EDRF1: variants seen among roughly 807,000 people sequenced by gnomAD.
EDRF1 encodes the protein erythroid differentiation regulatory factor 1.
EDRF1 carries 69 observed loss-of-function variants against 148.7 expected under a neutral mutation model. The ratio of observed to expected loss-of-function variants is 0.46; its 90% confidence interval spans 0.38 to 0.57. EDRF1 has a LOEUF of 0.57. Ranked by LOEUF, EDRF1 falls within the 20% of genes least tolerant of loss-of-function variation. The pLI, the probability that EDRF1 is intolerant of heterozygous loss-of-function variation, is 0.00. For synonymous variants in EDRF1, 515 were observed against 532.8 expected (o/e 0.97, Z 0.46); for missense variants, 1,118 against 1,478.7 (o/e 0.76, Z 4.00).
At chr10:125,737,148 C>T (rs962386319) in intron 13 of EDRF1, among the ~76,000 whole-genome samples, 2 of 152,164 alleles carry the variant, frequency 1.3e-5, no homozygotes, top group Non-Finnish European at 2.9e-5. Context: ...GCAAAAGTTA[C>T]ATGTATCTGG....
Position 125,747,262 on chromosome 10 carries a change from A to G in EDRF1, c.2815-274A>G, listed in dbSNP as rs1849408056. 4 of 430,746 alleles carry G rather than the reference A, an allele frequency of 9.3e-6. No homozygotes were observed. In the Admixed American group the frequency reaches 1.2e-4, roughly 13 times the overall value. 26.7% of individuals were successfully genotyped at this position (430,746 alleles called of 1,614,324 possible). ...AAACAAAGGAAACAAGTGCATCATC[A>G]TGCTCAGCCTGAGTCAGAAAGCAGC... On this transcript the variant is annotated intron_variant, in intron 19 of 24. Transcript: ENST00000356792.
intron 9 of EDRF1, chr10:125,731,869 C>T (rs1848490751): frequency 2.2e-6 from 1 of 453,380 alleles, no homozygotes; most frequent in African/African-American, 2.0e-5. Context: ...TCTTAGCTAC[C>T]TCACATGCTG....
At chr10:125,740,696 A>G (rs771277398) in intron 16 of EDRF1, 45 bp downstream of exon 16, 20 of 1,574,288 alleles carry the variant, frequency 1.3e-5, no homozygotes, top group Middle Eastern at 1.8e-4. Context: ...CTGGGAAGAG[A>G]GAACAGAGAA....
chr10:125,756,936 C>T (rs1209314807), intron 24 of EDRF1: 5 of 395,938 alleles, frequency 1.3e-5, no homozygotes, highest in Non-Finnish European at 2.5e-5. Context: ...CTCAGCCTCT[C>T]AGAGTAGCTG....
chr10:125,728,342 A>C (rs532353392), intron 6 of EDRF1, among the ~76,000 whole-genome samples: 1 of 152,190 alleles, frequency 6.6e-6, no homozygotes, highest in Non-Finnish European at 1.5e-5. Context: ...TTTAATATCA[A>C]TAAATATTGT....
At chr10:125,754,215 C>CAAA (rs60189890) in intron 24 of EDRF1, among the ~76,000 whole-genome samples, 24 of 93,392 alleles carry the variant, frequency 2.6e-4, no homozygotes, top group African/African-American at 8.0e-4. Context: ...GACACCATCT[C>CAAA]AAAAAAAAAA....
chr10:125,754,333 C>T (rs1849789126), intron 24 of EDRF1, among the ~76,000 whole-genome samples: 1 of 152,142 alleles, frequency 6.6e-6, no homozygotes, highest in Non-Finnish European at 1.5e-5. Context: ...GGTAAGAACC[C>T]TCTCCACAAA....
chr10:125,722,931 C>A, intron 2 of EDRF1, 137 bp from the exon 3 acceptor site: 1 of 811,396 alleles, frequency 1.2e-6, no homozygotes, highest in South Asian at 1.4e-5. Context: ...GATGGTGATA[C>A]ACATCCTGGT....
At chr10:125,752,991 G>A in intron 23 of EDRF1, 77 bp downstream of exon 23, 3 of 963,724 alleles carry the variant, frequency 3.1e-6, no homozygotes, top group South Asian at 2.6e-5. Flanking sequence ...GGACGTGTGT[G>A]TGTATGTGTG....
chr10:125,747,068 C>G (rs1206825731), intron 19 of EDRF1: 1 of 155,752 alleles, frequency 6.4e-6, no homozygotes, highest in Non-Finnish European at 1.4e-5. Context: ...GAAATTATTG[C>G]TGGGTGATTA....
Position 125,729,004 on chromosome 10 carries a change from G to T in EDRF1, c.794G>T (p.Gly265Val). Residue 265 changes from glycine to valine, a missense_variant and splice_region_variant, in exon 7 of 25, where the codon GGA becomes GTA. Gly to Val is a moderately radical substitution (Grantham distance 109, BLOSUM62 -3). Around this residue, in one of 3 missense-constraint regions of EDRF1, gnomAD observed 954 missense variants for 1,241.4 expected, o/e 0.77. Transcript: ENST00000356792. ...VSEDPSASSQGSEPLEPSYIV... is the reference protein window; with the variant it reads ...VSEDPSASSQVSEPLEPSYIV... ...TCCTTATCCTTGCACTTTTCACAGGGAAGTGAGCCTCTTGAACCCTCATAC... is the reference window on the plus strand; with the variant it reads ...TCCTTATCCTTGCACTTTTCACAGGTAAGTGAGCCTCTTGAACCCTCATAC... 1 of 1,574,990 alleles carries T rather than the reference G, an allele frequency of 6.3e-7. No homozygotes were observed. Among genetic ancestry groups the T allele is most frequent in the East Asian group, 2.3e-5 (1 of 44,110 alleles).
chr10:125,745,455 T>C (rs943702755), intron 18 of EDRF1: 1 of 533,480 alleles, frequency 1.9e-6, no homozygotes, highest in Non-Finnish European at 3.4e-6. Context: ...ATTACGTCTT[T>C]AAAGGACCTG....
intron 9 of EDRF1, among the ~76,000 whole-genome samples, chr10:125,732,267 G>A (rs539812009): frequency 6.6e-6 from 1 of 152,296 alleles, no homozygotes; most frequent in South Asian, 2.1e-4. Flanking sequence ...GGCAGATAAA[G>A]CGTTAGCAAG....
At chr10:125,752,409 G>A (rs74162857) in intron 22 of EDRF1, among the ~76,000 whole-genome samples, 1,922 of 152,324 alleles carry the variant, frequency 0.013, 56 homozygotes, top group African/African-American at 0.044. Context: ...CCTTTGAACA[G>A]AGATGTAATA....
Position 125,739,184 on chromosome 10 carries a change from G to A in EDRF1, c.1981+739G>A, listed in dbSNP as rs541378131. 1.6e-4 allele frequency among the ~76,000 whole-genome samples: 25 copies of A among 152,018 alleles called. No individual in the cohort carries two copies. In the East Asian group the frequency reaches 4.6e-3, roughly 28 times the overall value. The stretch of plus-strand genomic sequence containing the variant: ...AGTACATCTGAATCATAGTGGAAGC[G>A]CTTTCTGGACCCTTCTTCTTTTCCT... On this transcript the variant is annotated intron_variant, in intron 15 of 24. Coordinates refer to ENST00000356792, the MANE Select transcript of EDRF1 (RefSeq NM_001202438.2).
chr10:125,750,445 C>G (rs960526742), intron 22 of EDRF1: 2 of 152,204 alleles, frequency 1.3e-5, no homozygotes, highest in African/African-American at 4.8e-5. Flanking sequence ...CTCACCTATT[C>G]TCCTCTCCCG....
intron 19 of EDRF1, 122 bp from the exon 20 acceptor site, chr10:125,747,414 C>T: frequency 1.7e-5 from 19 of 1,132,506 alleles, no homozygotes; most frequent in Non-Finnish European, 1.9e-5. Context: ...AATATTGTCT[C>T]TTTATAAATT....
chr10:125,721,920 T>C (rs1848026403), intron 2 of EDRF1, among the ~76,000 whole-genome samples: 1 of 152,220 alleles, frequency 6.6e-6, no homozygotes, highest in Non-Finnish European at 1.5e-5. Flanking sequence ...TGAGGTCTTA[T>C]AGAGAAAAAT....
At chr10:125,746,058 A>G (rs1849339012) in intron 19 of EDRF1, 128 bp downstream of exon 19, 1 of 824,548 alleles carries the variant, frequency 1.2e-6, no homozygotes, top group Non-Finnish European at 2.0e-6. Flanking sequence ...AACACCAGAC[A>G]GATCGTGAAA....
Sources: gnomAD v4.1 joint callset for allele counts (sites outside exome capture counted in the v4.1 genomes callset) on GRCh38, gnomAD v4.1.1 for gene constraint, gnomAD v4.1.1 regional missense constraint, MANE v1.5 for transcripts, NCBI Gene and HGNC (gene_info 2026-07-23, HGNC 2026-07-21) for gene names.